DOK6: variants seen among roughly 807,000 people sequenced by gnomAD.
DOK6 encodes downstream of tyrosine kinase 6.
Under a neutral mutation model 44.0 loss-of-function variants are expected in DOK6, and 22 were observed. The ratio of observed to expected loss-of-function variants is 0.50; its 90% CI spans 0.36 to 0.71. The LOEUF is 0.71. Ranked by LOEUF, DOK6 falls within the 30% of genes least tolerant of loss-of-function variation. DOK6 has a pLI of 0.00. For synonymous variants in DOK6, 166 were observed against 145.5 expected (o/e 1.14, Z -1.01); for missense variants, 340 against 416.4 (o/e 0.82, Z 1.60).
chr18:69,468,303 A>G (rs1227101600), intron 1 of DOK6, among the ~76,000 whole-genome samples: 3 of 152,230 alleles, frequency 2.0e-5, no homozygotes, highest in African/African-American at 4.8e-5. Context: ...AAATTCTGCC[A>G]CACTTAGCAA....
chr18:69,667,047 C>T (rs1327053376), intron 3 of DOK6, among the ~76,000 whole-genome samples: 1 of 152,170 alleles, frequency 6.6e-6, no homozygotes, highest in African/African-American at 2.4e-5. Context: ...TTCCATAGAG[C>T]ATCAGCATGG....
chr18:69,745,911 A>G lies in DOK6; in HGVS notation c.738+6808A>G, dbSNP rs184380853. Among the ~76,000 whole-genome samples the G allele has an allele frequency of 2.6e-5, 4 of 152,316 alleles. No homozygotes were observed. The East Asian group carries it at 7.7e-4, about 29-fold the overall frequency. ...ATCCCAGCTTTCATTACGTGCAGAT[A>G]TTGGAAATTAATTTTATGAACTTAA... On this transcript the variant is annotated intron_variant, in intron 6 of 7. Transcript: ENST00000382713.
chr18:69,604,447 A>C (rs1420639810), intron 3 of DOK6, among the ~76,000 whole-genome samples: 1 of 152,216 alleles, frequency 6.6e-6, no homozygotes, highest in African/African-American at 2.4e-5. Flanking sequence ...ACGTGGCTGA[A>C]GTTAGATACA....
At chr18:69,739,255 A>C in intron 6 of DOK6, 152 bp downstream of exon 6, 1 of 976,266 alleles carries the variant, frequency 1.0e-6, no homozygotes, top group Non-Finnish European at 1.5e-6. Context: ...CATCTCTCTA[A>C]TATCCTATTC....
At chr18:69,713,614 A>G (rs533418096) in intron 5 of DOK6, among the ~76,000 whole-genome samples, 1 of 152,300 alleles carries the variant, frequency 6.6e-6, no homozygotes, top group South Asian at 2.1e-4. Flanking sequence ...GCACATGACA[A>G]TTATTTTTCT....
At chr18:69,640,164 C>T (rs1432606565) in intron 3 of DOK6, among the ~76,000 whole-genome samples, 1 of 152,210 alleles carries the variant, frequency 6.6e-6, no homozygotes, top group Non-Finnish European at 1.5e-5. Context: ...GGCCTGCATA[C>T]TTGAGCTGAT....
At chr18:69,446,277 A>G (rs1979288829) in intron 1 of DOK6, among the ~76,000 whole-genome samples, 1 of 140,444 alleles carries the variant, frequency 7.1e-6, no homozygotes, top group African/African-American at 2.7e-5. Context: ...TCATTGTTCA[A>G]TTCCCACCTA....
At chr18:69,735,055 A>C (rs1348275832) in intron 5 of DOK6, among the ~76,000 whole-genome samples, 1 of 152,212 alleles carries the variant, frequency 6.6e-6, no homozygotes, top group Non-Finnish European at 1.5e-5. Flanking sequence ...TGAATAGTGG[A>C]GCACCTCCTC....
chr18:69,559,327 G>T (rs899437192), intron 1 of DOK6, among the ~76,000 whole-genome samples: 1 of 152,042 alleles, frequency 6.6e-6, no homozygotes, highest in Non-Finnish European at 1.5e-5. Flanking sequence ...CATCATGATT[G>T]TTCCCAAGCT....
At chr18:69,481,858 A>G (rs1401306665) in intron 1 of DOK6, among the ~76,000 whole-genome samples, 3 of 151,972 alleles carry the variant, frequency 2.0e-5, no homozygotes, top group African/African-American at 7.2e-5. Context: ...AAGTGTTCCT[A>G]TTTCTCCACA....
At chr18:69,492,832 T>TTTTTTTTTTTTTTTTTTTTG (rs1980773492) in intron 1 of DOK6, among the ~76,000 whole-genome samples, 1 of 146,308 alleles carries the variant, frequency 6.8e-6, no homozygotes, top group Non-Finnish European at 1.5e-5. Flanking sequence ...GGCTTTTTTA[T>TTTTTTTTTTTTTTTTTTTTG]AGCTTTGGAT....
chr18:69,413,586 A>G (rs1978315524), intron 1 of DOK6, among the ~76,000 whole-genome samples: 1 of 152,100 alleles, frequency 6.6e-6, no homozygotes, highest in South Asian at 2.1e-4. Context: ...AACTTCACAT[A>G]AACTTCACGC....
intron 1 of DOK6, among the ~76,000 whole-genome samples, chr18:69,554,938 A>T (rs932105449): frequency 6.6e-6 from 1 of 152,096 alleles, no homozygotes; most frequent in Non-Finnish European, 1.5e-5. Flanking sequence ...CCTTTTTATA[A>T]GCGCCTGCTC....
chr18:69,572,660 A>C (rs1200889984), intron 2 of DOK6, among the ~76,000 whole-genome samples: 2 of 152,058 alleles, frequency 1.3e-5, no homozygotes, highest in African/African-American at 4.8e-5. Context: ...AAGGAACAGC[A>C]TAGAAATCTA....
chr18:69,465,339 G>T (rs1315361416), intron 1 of DOK6, among the ~76,000 whole-genome samples: 1 of 151,740 alleles, frequency 6.6e-6, no homozygotes, highest in Non-Finnish European at 1.5e-5. Context: ...AAGTTTTAGG[G>T]TACATGTGCA....
At chr18:69,550,747 A>G (rs939876092) in intron 1 of DOK6, among the ~76,000 whole-genome samples, 7 of 125,694 alleles carry the variant, frequency 5.6e-5, no homozygotes. Context: ...AAGTTTTTTT[A>G]TTTGTTTGTT....
In DOK6 at chr18:69,545,222, C is replaced by T. The variant is rs139880804; in HGVS notation, c.67-19265C>T. On this transcript the variant is annotated intron_variant, in intron 1 of 7. Coordinates refer to ENST00000382713, the MANE Select transcript of DOK6 (RefSeq NM_152721.6). ...TATTCCGCATCATTTCAGTTTTGAG[C>T]TCTCTGAAAGCTGGGAACTTGAAGG... Among the ~76,000 whole-genome samples, 585 of 150,982 alleles carry T rather than the reference C, an allele frequency of 3.9e-3. 7 individuals carry two copies. Among genetic ancestry groups the T allele is most frequent in the African/African-American group, 0.013 (528 of 41,366 alleles).
rs73973518 is a variant in DOK6, at chr18:69,650,962, G to C, written c.290-26772G>C. Among the ~76,000 whole-genome samples, 1,232 of 152,218 alleles carry C rather than the reference G, an allele frequency of 8.1e-3. 16 individuals are homozygous for C. Among genetic ancestry groups the C allele is most frequent in the African/African-American group, 0.028 (1,159 of 41,508 alleles). On this transcript the variant is annotated intron_variant, in intron 3 of 7. Transcript: ENST00000382713. ...CATCAAGGCGGTGGTTAAAATTTAA[G>C]AACAATCTTGATATGGAATATGCTG...
chr18:69,805,749 A>G (rs1330998086), intron 7 of DOK6, among the ~76,000 whole-genome samples: 4 of 152,150 alleles, frequency 2.6e-5, no homozygotes, highest in Non-Finnish European at 1.5e-5. Flanking sequence ...AGAACTGTCA[A>G]TTAACAAGCA....
Sources: gnomAD v4.1 joint callset for allele counts (sites outside exome capture counted in the v4.1 genomes callset) on GRCh38, gnomAD v4.1.1 for gene constraint, MANE v1.5 for transcripts, NCBI Gene and HGNC (gene_info 2026-07-23, HGNC 2026-07-21) for gene names.